Variants in WDPCP observed in about 807,000 individuals in gnomAD.
WDPCP encodes WD repeat-containing and planar cell polarity effector protein fritz homolog.
In WDPCP, 71 loss-of-function variants were observed where a neutral mutation model predicts 93.1. The observed-to-expected ratio is 0.76, with a 90% confidence interval of 0.63 to 0.93. The LOEUF is 0.93. Ranked by LOEUF, WDPCP falls within the 40% of genes least tolerant of loss-of-function variation. The pLI is 0.00. For missense variants in WDPCP, 844 were observed against 887.4 expected, an observed-to-expected ratio of 0.95 and a Z score of 0.62; for synonymous variants, 315 against 315.0, an observed-to-expected ratio of 1.00 and a Z score of 0.00.
upstream of WDPCP, chr2:63,588,697 G>A (rs1007205897): frequency 6.2e-6 from 3 of 483,374 alleles, no homozygotes; most frequent in Non-Finnish European, 1.1e-5. Flanking sequence ...GGCTCCATCA[G>A]GCAGGTCCTT....
At chr2:63,770,364 T>C (rs1426845882) in intron 2 of WDPCP, among the ~76,000 whole-genome samples, 1 of 151,766 alleles carries the variant, frequency 6.6e-6, no homozygotes, top group African/African-American at 2.4e-5. Flanking sequence ...AAAAAGAAGG[T>C]GAAAATCATT....
intron 2 of WDPCP, among the ~76,000 whole-genome samples, chr2:63,772,282 T>C (rs1292229335): frequency 6.6e-6 from 1 of 152,036 alleles, no homozygotes; most frequent in Non-Finnish European, 1.5e-5. Flanking sequence ...CTCTGACGAT[T>C]AGTGATGTTG....
At chr2:63,257,504 C>A (rs12471038) in intron 14 of WDPCP, among the ~76,000 whole-genome samples, 24,205 of 152,170 alleles carry the variant, frequency 0.16, 2,595 homozygotes, top group Non-Finnish European at 0.21. Flanking sequence ...TGTAATAGGG[C>A]AACCTCTTGA....
At chr2:63,484,707 A>G (rs199883891) in intron 5 of WDPCP, 44 bp from the exon 6 acceptor site, 88 of 1,610,474 alleles carry the variant, frequency 5.5e-5, no homozygotes, top group Non-Finnish European at 6.8e-5. Flanking sequence ...GGCTGTACAC[A>G]TTGTCATTAT....
intron 14 of WDPCP, among the ~76,000 whole-genome samples, chr2:63,198,823 C>G (rs933074988): frequency 6.6e-6 from 1 of 152,078 alleles, no homozygotes; most frequent in South Asian, 2.1e-4. Flanking sequence ...GTAGAAGCAA[C>G]TTTGGAACTG....
intron 13 of WDPCP, among the ~76,000 whole-genome samples, chr2:63,284,340 C>T (rs1477110807): frequency 6.6e-6 from 1 of 152,172 alleles, no homozygotes; most frequent in Non-Finnish European, 1.5e-5. Context: ...AATACTGAAT[C>T]CTATATATAC....
At chr2:63,611,723 A>C (rs2106633689) in intron 3 of WDPCP, among the ~76,000 whole-genome samples, 1 of 152,352 alleles carries the variant, frequency 6.6e-6, no homozygotes, top group South Asian at 2.1e-4. Flanking sequence ...TAAAATGGTT[A>C]CTGACTCAGT....
At chr2:63,341,699 T>C (rs1244317234) in intron 12 of WDPCP, among the ~76,000 whole-genome samples, 1 of 152,208 alleles carries the variant, frequency 6.6e-6, no homozygotes, top group Non-Finnish European at 1.5e-5. Context: ...GTTTGCTTCA[T>C]ATATCTTGGT....
intron 6 of WDPCP, among the ~76,000 whole-genome samples, chr2:63,467,246 A>G (rs1399376608): frequency 6.6e-6 from 1 of 152,234 alleles, no homozygotes; most frequent in African/African-American, 2.4e-5. Context: ...TTGGGAGGCC[A>G]AGGTGGACAG....
chr2:63,583,099 T>G lies in WDPCP; in HGVS notation c.75+5098A>C, dbSNP rs371973658. 6.6e-5 allele frequency among the ~76,000 whole-genome samples: 10 copies of G among 152,220 alleles called. No homozygotes were observed. In the East Asian group the frequency reaches 1.3e-3, roughly 21 times the overall value. On this transcript the variant is annotated intron_variant, in intron 1 of 17. Coordinates refer to ENST00000272321, the MANE Select transcript of WDPCP (RefSeq NM_015910.7). ...ATGATGTTGTATGGGGCTCATAACA[T>G]GTAAAAGTAAAGTGGTCAGGAAAGG...
chr2:63,338,566 AAAAATATATATATATATATAT>A lies in WDPCP; in HGVS notation c.1749-25276_1749-25256del, dbSNP rs1183113728. Among the ~76,000 whole-genome samples, 30 of 9,914 alleles carry A rather than the reference AAAAATATATATATATATATAT, an allele frequency of 3.0e-3. 2 individuals carry two copies. The highest frequency in any genetic ancestry group is 0.025 in the East Asian group (3 of 120). The allele number at this position is 9,914 out of a possible 152,430, so 6.5% of individuals were successfully genotyped here. On this transcript the variant is annotated intron_variant, in intron 12 of 17. Transcript: ENST00000272321. ...AAACTCCATCTAAAAAAAAAAAAAA[AAAAATATATATATATATATAT>A]ATATATATATATATATATATATATA...
intron 2 of WDPCP, among the ~76,000 whole-genome samples, chr2:63,681,989 G>A (rs533723809): frequency 2.2e-4 from 32 of 147,616 alleles, no homozygotes; most frequent in Non-Finnish European, 3.6e-4. Context: ...GGGTTTGGGG[G>A]TGCCCCCAAT....
chr2:63,486,460 T>C lies in WDPCP; in HGVS notation c.253+82A>G. The C allele has an allele frequency of 2.3e-6, 3 of 1,301,304 alleles. No homozygotes were observed. The South Asian group carries it at 4.2e-5, about 18-fold the overall frequency. 80.6% of individuals were successfully genotyped at this position (1,301,304 alleles called of 1,614,324 possible). A position where few individuals can be genotyped will look rare whatever the true frequency, so the allele number is the denominator to read the frequency against. On this transcript the variant is annotated intron_variant, in intron 4 of 17. Coordinates refer to ENST00000272321, the MANE Select transcript of WDPCP (RefSeq NM_015910.7). ...TAAAAAATTTGGAGGGAATAAAGTT[T>C]CCTCTTTGTTCCAGATGAATATTTT...
At chr2:63,701,211 T>G (rs894866656) in intron 2 of WDPCP, among the ~76,000 whole-genome samples, 2 of 152,166 alleles carry the variant, frequency 1.3e-5, no homozygotes, top group Non-Finnish European at 2.9e-5. Flanking sequence ...ATAGACATTT[T>G]TCAAAAGAAG....
At chr2:63,541,418 T>A (rs1575610397) in intron 1 of WDPCP, among the ~76,000 whole-genome samples, 1 of 152,330 alleles carries the variant, frequency 6.6e-6, no homozygotes, top group East Asian at 1.9e-4. Context: ...GTTTTTCATT[T>A]CACATTATTC....
intron 3 of WDPCP, among the ~76,000 whole-genome samples, chr2:63,624,810 C>T (rs973953411): frequency 2.0e-5 from 3 of 152,112 alleles, no homozygotes; most frequent in South Asian, 2.1e-4. Context: ...AAAAGAGGGA[C>T]GCTTCCCTAA....
chr2:63,170,075 G>A (rs952470978), intron 15 of WDPCP, among the ~76,000 whole-genome samples: 2 of 148,712 alleles, frequency 1.3e-5, no homozygotes, highest in African/African-American at 5.0e-5. Flanking sequence ...TTTTTTTTCA[G>A]TAGAGATGAG....
At chr2:63,403,749 A>T in intron 10 of WDPCP, 2 of 273,776 alleles carry the variant, frequency 7.3e-6, no homozygotes, top group Non-Finnish European at 1.4e-5. Flanking sequence ...TCACATGTCT[A>T]TTTCTTAAGG....
At chr2:63,188,025 T>A (rs1481189109) in intron 14 of WDPCP, among the ~76,000 whole-genome samples, 1 of 152,216 alleles carries the variant, frequency 6.6e-6, no homozygotes, top group Non-Finnish European at 1.5e-5. Context: ...CATTTCTTTT[T>A]AGCCTTCAAG....
Sources: allele counts gnomAD v4.1 joint callset (sites outside exome capture counted in the v4.1 genomes callset), GRCh38; gene constraint gnomAD v4.1.1; transcripts MANE v1.5; gene names NCBI Gene and HGNC (gene_info 2026-07-23, HGNC 2026-07-21).